The following SLCO3A1 variants were observed in gnomAD, a reference collection of about 807,000 sequenced individuals.
SLCO3A1 encodes PGE1 transporter.
In SLCO3A1, 27 loss-of-function variants were observed where a neutral mutation model predicts 63.1. The ratio of observed to expected loss-of-function variants is 0.43; its 90% CI spans 0.32 to 0.59. SLCO3A1 has a LOEUF of 0.59. Among genes scored for constraint, SLCO3A1 ranks in the 20% least tolerant of loss-of-function variants. The pLI is 0.09. For synonymous variants in SLCO3A1, 473 were observed against 409.9 expected (o/e 1.15, Z -1.86); for missense variants, 773 against 945.8 (o/e 0.82, Z 2.40).
At chr15:92,131,089 C>G (rs1028477031) in intron 7 of SLCO3A1, among the ~76,000 whole-genome samples, 6 of 152,018 alleles carry the variant, frequency 3.9e-5, no homozygotes, top group Non-Finnish European at 8.8e-5. Flanking sequence ...AATAGGTGTT[C>G]TTCTTATTTC....
chr15:91,867,396 C>T (rs1218652905), intron 1 of SLCO3A1, among the ~76,000 whole-genome samples: 4 of 152,150 alleles, frequency 2.6e-5, no homozygotes, highest in African/African-American at 9.7e-5. Context: ...AATATAGGGT[C>T]CTGGGCCTGA....
intron 8 of SLCO3A1, among the ~76,000 whole-genome samples, chr15:92,147,693 C>G (rs537799401): frequency 1.3e-5 from 2 of 152,244 alleles, no homozygotes; most frequent in East Asian, 3.9e-4. Context: ...TGAGCAGTGA[C>G]CATTCTTGTA....
At chr15:91,973,504 G>C (rs893765744) in intron 2 of SLCO3A1, among the ~76,000 whole-genome samples, 10 of 152,222 alleles carry the variant, frequency 6.6e-5, no homozygotes, top group African/African-American at 2.4e-4. Flanking sequence ...GCTGAAGCTG[G>C]TGTATTGTCT....
intron 2 of SLCO3A1, among the ~76,000 whole-genome samples, chr15:91,940,320 C>T (rs1168657659): frequency 1.3e-5 from 2 of 152,134 alleles, no homozygotes; most frequent in Non-Finnish European, 2.9e-5. Flanking sequence ...TTTGCCAAGC[C>T]TGAGTCTGTG....
chr15:92,147,297 C>G, intron 8 of SLCO3A1, 138 bp downstream of exon 8: 3 of 790,520 alleles, frequency 3.8e-6, no homozygotes, highest in Admixed American at 2.8e-5. Context: ...CGCAGCTTCT[C>G]TAGGCTGATA....
chr15:91,864,216 C>G (rs938548974), intron 1 of SLCO3A1, among the ~76,000 whole-genome samples: 21 of 152,168 alleles, frequency 1.4e-4, no homozygotes, highest in African/African-American at 5.1e-4. Flanking sequence ...TTTAGGTCTT[C>G]TTAAGTATAA....
At chr15:92,143,189 CTT>C (rs1231592261) in intron 7 of SLCO3A1, among the ~76,000 whole-genome samples, 3 of 147,794 alleles carry the variant, frequency 2.0e-5, no homozygotes, top group African/African-American at 7.5e-5. Flanking sequence ...CCTAACTACT[CTT>C]TGAGTCCATA....
chr15:92,142,975 C>T (rs1052543131), intron 7 of SLCO3A1, among the ~76,000 whole-genome samples: 3 of 152,048 alleles, frequency 2.0e-5, no homozygotes, highest in Admixed American at 6.6e-5. Flanking sequence ...GCTCACCGAT[C>T]ACATGGCTCA....
intron 7 of SLCO3A1, among the ~76,000 whole-genome samples, chr15:92,136,340 A>G (rs1331368222): frequency 1.3e-5 from 2 of 152,126 alleles, no homozygotes; most frequent in Non-Finnish European, 2.9e-5. Context: ...ATGTGGGGGG[A>G]AAATAACAGG....
At chr15:92,078,082 T>G (rs951787095) in intron 2 of SLCO3A1, among the ~76,000 whole-genome samples, 22 of 152,220 alleles carry the variant, frequency 1.4e-4, no homozygotes, top group African/African-American at 5.1e-4. Context: ...AATGATTTTG[T>G]TGTTGCCATT....
chr15:92,171,400 C>G (rs1373630412), intron 10 of SLCO3A1: 1 of 160,686 alleles, frequency 6.2e-6, no homozygotes, highest in African/African-American at 2.4e-5. Context: ...ACTCAGGAAT[C>G]TCTTCAATAG....
intron 2 of SLCO3A1, among the ~76,000 whole-genome samples, chr15:92,042,596 C>A (rs1323696423): frequency 6.6e-6 from 1 of 152,132 alleles, no homozygotes; most frequent in African/African-American, 2.4e-5. Flanking sequence ...CCACGTCCTA[C>A]AAAGCACAGA....
chr15:92,056,422 G>A (rs1335328277), intron 2 of SLCO3A1, among the ~76,000 whole-genome samples: 1 of 151,984 alleles, frequency 6.6e-6, no homozygotes, highest in African/African-American at 2.4e-5. Flanking sequence ...GCCAGAGCAG[G>A]GCAAATAACT....
At chr15:91,978,825 C>G (rs1000738446) in intron 2 of SLCO3A1, among the ~76,000 whole-genome samples, 5 of 152,230 alleles carry the variant, frequency 3.3e-5, no homozygotes. Flanking sequence ...TCATCTAGTT[C>G]AAGGGTCAGC....
At chr15:92,008,356 C>T (rs1013759672) in intron 2 of SLCO3A1, among the ~76,000 whole-genome samples, 27 of 152,188 alleles carry the variant, frequency 1.8e-4, no homozygotes, top group Non-Finnish European at 1.3e-4. Context: ...GCCCCAAAGG[C>T]AAGTCACCTA....
intron 1 of SLCO3A1, among the ~76,000 whole-genome samples, chr15:91,855,689 A>T (rs2141828332): frequency 6.6e-6 from 1 of 152,280 alleles, no homozygotes; most frequent in South Asian, 2.1e-4. Context: ...GGGAAATTTA[A>T]CTGTTAAAAT....
At chr15:92,066,666 A>C (rs2047155899) in intron 2 of SLCO3A1, among the ~76,000 whole-genome samples, 1 of 152,196 alleles carries the variant, frequency 6.6e-6, no homozygotes, top group African/African-American at 2.4e-5. Flanking sequence ...GGGCCTAAGA[A>C]TAGCGCCTGC....
chr15:92,025,395 C>T (rs2046560444), intron 2 of SLCO3A1, among the ~76,000 whole-genome samples: 1 of 152,114 alleles, frequency 6.6e-6, no homozygotes, highest in Non-Finnish European at 1.5e-5. Flanking sequence ...TGGGGGACAC[C>T]ATAGGCACAA....
chr15:92,136,887 T>C (rs958399494), intron 7 of SLCO3A1, among the ~76,000 whole-genome samples: 2 of 151,750 alleles, frequency 1.3e-5, no homozygotes, highest in Non-Finnish European at 2.9e-5. Flanking sequence ...CTGGGAGTTA[T>C]TTCTAAATTA....
Sources: gnomAD v4.1 joint callset for allele counts (sites outside exome capture counted in the v4.1 genomes callset) on GRCh38, gnomAD v4.1.1 for gene constraint, MANE v1.5 for transcripts, NCBI Gene and HGNC (gene_info 2026-07-23, HGNC 2026-07-21) for gene names.